The following SYT1 variants were observed in gnomAD, a reference collection of about 807,000 sequenced individuals.
The protein encoded by SYT1 is synaptotagmin 1, also known as synaptotagmin-1.
Under a neutral mutation model 44.8 loss-of-function variants are expected in SYT1, and 8 were observed. The ratio of observed to expected loss-of-function variants is 0.18; its 90% CI spans 0.10 to 0.32. SYT1 has a LOEUF of 0.32. SYT1 is among the 10% of genes least tolerant of loss of function. The pLI is 1.00. For synonymous variants in SYT1, 154 were observed against 188.8 expected (o/e 0.82, Z 1.51); for missense variants, 286 against 509.3 (o/e 0.56, Z 4.22).
intron 1 of SYT1, among the ~76,000 whole-genome samples, chr12:78,897,538 C>G (rs560290542): frequency 1.5e-3 from 224 of 152,048 alleles, no homozygotes; most frequent in Non-Finnish European, 2.6e-3. Context: ...ATATGTGAGA[C>G]TTTATCCTGA....
At chr12:79,256,855 A>C (rs1245834) in intron 4 of SYT1, among the ~76,000 whole-genome samples, 1 of 151,740 alleles carries the variant, frequency 6.6e-6, no homozygotes, top group African/African-American at 2.4e-5. Context: ...TACTTACACA[A>C]TATGAGAATA....
chr12:78,958,597 A>T (rs1224901128), intron 1 of SYT1, among the ~76,000 whole-genome samples: 4 of 152,146 alleles, frequency 2.6e-5, no homozygotes, highest in Non-Finnish European at 5.9e-5. Context: ...CGGGAGGCTA[A>T]AGCATGAGAA....
chr12:78,934,858 C>T (rs1331995309), intron 1 of SYT1, among the ~76,000 whole-genome samples: 2 of 152,056 alleles, frequency 1.3e-5, no homozygotes, highest in Non-Finnish European at 2.9e-5. Context: ...ACATTCTCTG[C>T]GGGTAGATGA....
intron 3 of SYT1, among the ~76,000 whole-genome samples, chr12:79,094,350 CT>C (rs1303513546): frequency 6.6e-6 from 1 of 151,728 alleles, no homozygotes; most frequent in African/African-American, 2.4e-5. Flanking sequence ...CTTGAAAAGC[CT>C]TTGAGTTTGT....
chr12:79,206,455 TGG>T (rs34223300), intron 3 of SYT1, among the ~76,000 whole-genome samples: 1 of 152,108 alleles, frequency 6.6e-6, no homozygotes, highest in Non-Finnish European at 1.5e-5. Context: ...AAATAACAAC[TGG>T]GCCTGGCAGA....
intron 1 of SYT1, chr12:78,960,486 C>G (rs1879443435): frequency 6.6e-6 from 1 of 152,270 alleles, no homozygotes; most frequent in Non-Finnish European, 1.5e-5. Flanking sequence ...ACACCAACAA[C>G]AAAACTGAGT....
intron 2 of SYT1, among the ~76,000 whole-genome samples, chr12:79,014,132 A>G (rs138074086): frequency 0.02 from 2,827 of 144,914 alleles, 46 homozygotes; most frequent in African/African-American, 0.074. Flanking sequence ...CAAAAAAAAA[A>G]AAAAAAGAAA....
chr12:79,247,367 T>C (rs1234461167), intron 4 of SYT1, among the ~76,000 whole-genome samples: 1 of 152,174 alleles, frequency 6.6e-6, no homozygotes, highest in Admixed American at 6.5e-5. Flanking sequence ...AGGGAAGGCT[T>C]TTCTTATAAT....
intron 3 of SYT1, among the ~76,000 whole-genome samples, chr12:79,121,005 G>C (rs1472706218): frequency 6.7e-6 from 1 of 150,168 alleles, no homozygotes; most frequent in African/African-American, 2.5e-5. Context: ...ACACATATTC[G>C]TGTACATATA....
At chr12:79,145,993 G>A (rs1869884227) in intron 3 of SYT1, among the ~76,000 whole-genome samples, 1 of 151,996 alleles carries the variant, frequency 6.6e-6, no homozygotes. Context: ...TCCTGACCTC[G>A]TGATCCGCCC....
intron 3 of SYT1, among the ~76,000 whole-genome samples, chr12:79,137,871 A>G (rs1328921609): frequency 2.0e-5 from 3 of 152,024 alleles, no homozygotes; most frequent in African/African-American, 7.2e-5. Context: ...GACAGTGGAT[A>G]TTTCTTCCTT....
intron 3 of SYT1, among the ~76,000 whole-genome samples, chr12:79,088,028 T>C (rs145419915): frequency 6.6e-6 from 1 of 152,204 alleles, no homozygotes; most frequent in African/African-American, 2.4e-5. Context: ...GCCTACTGCC[T>C]CTCTGTGCCT....
At chr12:79,180,333 A>G (rs1321812534) in intron 3 of SYT1, among the ~76,000 whole-genome samples, 1 of 152,116 alleles carries the variant, frequency 6.6e-6, no homozygotes, top group Non-Finnish European at 1.5e-5. Context: ...TAGATTTTAT[A>G]GGTAGAATAT....
At chr12:79,111,723 G>A (rs975186795) in intron 3 of SYT1, among the ~76,000 whole-genome samples, 1 of 151,248 alleles carries the variant, frequency 6.6e-6, no homozygotes, top group African/African-American at 2.4e-5. Flanking sequence ...AACTTGTCTA[G>A]ATTCACAAAT....
intron 8 of SYT1, 138 bp from the exon 9 acceptor site, chr12:79,353,364 G>A (rs1408512186): frequency 4.7e-6 from 3 of 636,374 alleles, no homozygotes; most frequent in African/African-American, 1.8e-5. Flanking sequence ...AAAGGCCACT[G>A]TGTAAATGCC....
At chr12:79,300,269 A>G (rs1164563596) in intron 8 of SYT1, among the ~76,000 whole-genome samples, 1 of 152,146 alleles carries the variant, frequency 6.6e-6, no homozygotes, top group Admixed American at 6.6e-5. Flanking sequence ...CTCTGCAAAC[A>G]TTTCAGTAGA....
intron 2 of SYT1, among the ~76,000 whole-genome samples, chr12:79,015,191 C>T (rs572580093): frequency 3.3e-5 from 5 of 151,450 alleles, no homozygotes; most frequent in African/African-American, 1.2e-4. Flanking sequence ...TGCACATGTA[C>T]CCTAAAACTT....
chr12:79,142,533 G>A (rs1415713803), intron 3 of SYT1, among the ~76,000 whole-genome samples: 3 of 152,102 alleles, frequency 2.0e-5, no homozygotes, highest in Admixed American at 6.6e-5. Context: ...TTAGAAATAC[G>A]ACTTTTTATT....
At chr12:79,316,700 A>G (rs538203072) in intron 8 of SYT1, among the ~76,000 whole-genome samples, 33 of 152,318 alleles carry the variant, frequency 2.2e-4, no homozygotes, top group Admixed American at 2.0e-3. Flanking sequence ...CCACCGTACA[A>G]CTGGCACCTC....
Sources: gnomAD v4.1 joint callset for allele counts (sites outside exome capture counted in the v4.1 genomes callset) on GRCh38, gnomAD v4.1.1 for gene constraint, MANE v1.5 for transcripts, NCBI Gene and HGNC (gene_info 2026-07-23, HGNC 2026-07-21) for gene names.